Variants in ARHGAP39 observed in about 807,000 individuals in gnomAD.
The protein encoded by ARHGAP39 is rho GTPase-activating protein 39.
A neutral mutation model predicts 106.9 loss-of-function variants in ARHGAP39; 44 were observed. The ratio of observed to expected loss-of-function variants is 0.41; its 90% CI spans 0.32 to 0.53. The LOEUF is 0.53. Ranked by LOEUF, ARHGAP39 falls within the 20% of genes least tolerant of loss-of-function variation. The pLI, the probability that ARHGAP39 is intolerant of heterozygous loss-of-function variation, is 0.21. For synonymous variants in ARHGAP39, 768 were observed against 693.2 expected, an observed-to-expected ratio of 1.11 and a Z score of -1.69; for missense variants, 1,496 against 1,577.3, an observed-to-expected ratio of 0.95 and a Z score of 0.87.
chr8:144,545,845 T>TGTGGGGGGG, intron 5 of ARHGAP39, 35 bp from the exon 6 acceptor site: 1 of 1,042,130 alleles, frequency 9.6e-7, no homozygotes, highest in Non-Finnish European at 1.3e-6. Flanking sequence ...CTGTTGGGGG[T>TGTGGGGGGG]GGGGGAGGGC....
chr8:144,534,264 G>A lies in ARHGAP39; in HGVS notation c.2615-62C>T, dbSNP rs979232744. On this transcript the variant is annotated intron_variant, in intron 7 of 11. Coordinates refer to ENST00000377307, the MANE Select transcript of ARHGAP39 (RefSeq NM_025251.3). Reference sequence around the variant, plus strand: ...TGTGTGGGTGTGGGGCCAGGAGAGGGGTGAGCAGACACAGCTCCTTCGAGG... The same window carrying A: ...TGTGTGGGTGTGGGGCCAGGAGAGGAGTGAGCAGACACAGCTCCTTCGAGG... 6 of 1,586,614 alleles carry A rather than the reference G, an allele frequency of 3.8e-6. No homozygotes were observed. The Admixed American group carries it at 1.0e-4, about 27-fold the overall frequency.
rs540644994 is a variant in ARHGAP39 at position 144,547,109 on chromosome 8, C to T, written c.1959+18G>A. The T allele has an allele frequency of 9.3e-5, 145 of 1,558,564 alleles. No individual in the cohort carries two copies. Among genetic ancestry groups the T allele is most frequent in the Middle Eastern group, 3.6e-4 (2 of 5,560 alleles). On this transcript the variant is annotated intron_variant, in intron 5 of 11. Coordinates refer to ENST00000377307, the MANE Select transcript of ARHGAP39 (RefSeq NM_025251.3). The surrounding 1 kb of genome is among the most constrained non-coding windows in gnomAD (Gnocchi z 5.2). ...GGCCCCAGGCTCTCAAGCTCAGCCG[C>T]GCCCATTGGGCCCTCACCTGTGAGG...
chr8:144,633,738 G>A (rs1451187910), intron 1 of ARHGAP39, among the ~76,000 whole-genome samples: 1 of 152,188 alleles, frequency 6.6e-6, no homozygotes, highest in Non-Finnish European at 1.5e-5. Flanking sequence ...CCAGGCTGGA[G>A]CGCAGTGGTG....
At position 144,530,227 on chromosome 8, in the gene ARHGAP39, C is replaced by G; in HGVS notation, c.*195G>C. 1.6e-6 allele frequency: 1 copy of G among 624,714 alleles called. No individual in the cohort carries two copies. The allele number at this position is 624,714 out of a possible 1,614,324, so 38.7% of individuals were successfully genotyped here. On this transcript the variant is annotated 3_prime_UTR_variant, in exon 12 of 12. Coordinates refer to ENST00000377307, the MANE Select transcript of ARHGAP39 (RefSeq NM_025251.3). The stretch of plus-strand genomic sequence containing the variant: ...AGGTGGGGGGCCAGAGGCGCCCTCC[C>G]CGCCGCTGCTGTGCCCTGGCTGCAC...
At chr8:144,575,566 T>G (rs1393588422) in intron 3 of ARHGAP39, among the ~76,000 whole-genome samples, 1 of 152,128 alleles carries the variant, frequency 6.6e-6, no homozygotes, top group Non-Finnish European at 1.5e-5. Flanking sequence ...CATTGCCACA[T>G]GGTGTCCTGG....
chr8:144,630,992 C>T (rs772131445), intron 1 of ARHGAP39, among the ~76,000 whole-genome samples: 7 of 152,262 alleles, frequency 4.6e-5, no homozygotes, highest in Non-Finnish European at 8.8e-5. Context: ...CATCCCTTGG[C>T]TTCCGGGGAG....
At chr8:144,535,400 T>TGGC (rs1564834335) in intron 7 of ARHGAP39, among the ~76,000 whole-genome samples, 1 of 152,220 alleles carries the variant, frequency 6.6e-6, no homozygotes, top group Non-Finnish European at 1.5e-5. Context: ...GCAGAGGATG[T>TGGC]GGCCCCAGCC....
intron 2 of ARHGAP39, among the ~76,000 whole-genome samples, chr8:144,603,947 C>A (rs1820181377): frequency 6.6e-6 from 1 of 152,174 alleles, no homozygotes; most frequent in South Asian, 2.1e-4. Flanking sequence ...ATGCACCAAG[C>A]CAGTGAAGAG....
intron 3 of ARHGAP39, among the ~76,000 whole-genome samples, chr8:144,574,652 C>T (rs779957242): frequency 3.2e-4 from 49 of 152,046 alleles, no homozygotes; most frequent in Non-Finnish European, 6.6e-4. Flanking sequence ...CCAGCCTGGG[C>T]GACAGAGCGA....
intron 1 of ARHGAP39, among the ~76,000 whole-genome samples, chr8:144,633,145 T>TC (rs1821104075): frequency 1.4e-5 from 2 of 147,694 alleles, no homozygotes; most frequent in East Asian, 4.2e-4. Context: ...CTGTTTTTTT[T>TC]TGTTTGTTTG....
chr8:144,653,047 C>T (rs957467687), intron 1 of ARHGAP39, among the ~76,000 whole-genome samples: 2 of 152,120 alleles, frequency 1.3e-5, no homozygotes, highest in Admixed American at 6.5e-5. Context: ...CTTGTAATCC[C>T]AGCACTTTGG....
chr8:144,581,011 G>C lies in ARHGAP39; in HGVS notation c.347C>G (p.Pro116Arg), dbSNP rs865815353. Residue 116 changes from proline (P) to arginine (R), a missense_variant, in exon 3 of 12, where the codon CCG becomes CGG. This residue lies in a region of ARHGAP39 where 905 missense variants were observed against 816.4 expected (regional missense o/e 1.11). Transcript: ENST00000377307. ...LQTLKQNTES[P>R]RASAESSPGR... is the part of the protein sequence containing the mutation. ...GGGGCTGCTCTCCGCCGAGGCGCGC[G>C]GGGACTCCGTGTTCTGCTTCAGCGT... is the stretch of plus-strand genomic sequence containing the variant. 3 of 1,589,792 alleles carry C rather than the reference G, an allele frequency of 1.9e-6. No homozygotes were observed. The highest frequency in any genetic ancestry group is 2.6e-6 in the Non-Finnish European group (3 of 1,168,618).
intron 1 of ARHGAP39, among the ~76,000 whole-genome samples, chr8:144,638,087 T>C (rs1821220543): frequency 6.6e-6 from 1 of 152,222 alleles, no homozygotes; most frequent in African/African-American, 2.4e-5. Context: ...AACTCTGTTT[T>C]ATCTGAAAAT....
chr8:144,630,088 C>A (rs1415971285), intron 1 of ARHGAP39, among the ~76,000 whole-genome samples: 3 of 152,164 alleles, frequency 2.0e-5, no homozygotes, highest in Non-Finnish European at 4.4e-5. Flanking sequence ...CAACACCAGG[C>A]ATCCCAGCAA....
intron 3 of ARHGAP39, 92 bp from the exon 4 acceptor site, chr8:144,555,735 C>A: frequency 1.8e-6 from 2 of 1,097,674 alleles, no homozygotes; most frequent in Non-Finnish European, 2.8e-6. Flanking sequence ...GGCACTGCCA[C>A]CTCAATTTCC....
At chr8:144,611,681 A>G (rs189722202) in intron 1 of ARHGAP39, among the ~76,000 whole-genome samples, 48 of 152,122 alleles carry the variant, frequency 3.2e-4, no homozygotes, top group Non-Finnish European at 5.0e-4. Flanking sequence ...ATTGTGTAAC[A>G]TTTATCCTTC....
In ARHGAP39 at chr8:144,585,607, G is replaced by A. The variant is rs1238814509; in HGVS notation, c.81-4330C>T. On this transcript the variant is annotated intron_variant, in intron 2 of 11. Coordinates refer to ENST00000377307, the MANE Select transcript of ARHGAP39 (RefSeq NM_025251.3). This position sits in a 1 kb window ranked among gnomAD's most constrained non-coding sequence, Gnocchi z 4.6. Reference sequence around the variant, plus strand: ...GTTAGAAACACAGGGACACCAACATGGTGCACCTCGAACCCCCACAGCTCA... The same window carrying A: ...GTTAGAAACACAGGGACACCAACATAGTGCACCTCGAACCCCCACAGCTCA... 6.6e-6 allele frequency among the ~76,000 whole-genome samples: 1 copy of A among 152,170 alleles called. No homozygotes were observed. The highest frequency in any genetic ancestry group is 1.5e-5 in the Non-Finnish European group (1 of 68,034).
Position 144,553,855 on chromosome 8 carries a change from C to T in ARHGAP39, c.596+1705G>A, listed in dbSNP as rs141406351. 3.0e-3 allele frequency among the ~76,000 whole-genome samples: 463 copies of T among 152,316 alleles called. 2 individuals are homozygous for T. The highest frequency in any genetic ancestry group is 5.1e-3 in the African/African-American group (213 of 41,578). The stretch of plus-strand genomic sequence containing the variant: ...ACGCAGCGGCAAGGCCTCTTCTCCC[C>T]GCCCAATGCAGTGGCAAGGCCTCTT... On this transcript the variant is annotated intron_variant, in intron 4 of 11. Coordinates refer to ENST00000377307, the MANE Select transcript of ARHGAP39 (RefSeq NM_025251.3).
chr8:144,618,908 G>A (rs958545629), intron 1 of ARHGAP39, among the ~76,000 whole-genome samples: 1 of 152,238 alleles, frequency 6.6e-6, no homozygotes, highest in Non-Finnish European at 1.5e-5. Flanking sequence ...CAGCGGCCTC[G>A]TCTGGTTCTT....
Sources: allele counts gnomAD v4.1 joint callset (sites outside exome capture counted in the v4.1 genomes callset), GRCh38; gene constraint gnomAD v4.1.1; regional missense constraint gnomAD v4.1.1; non-coding constraint Gnocchi (gnomAD v3.1); transcripts MANE v1.5; gene names NCBI Gene and HGNC (gene_info 2026-07-23, HGNC 2026-07-21).